Variants in NAA11 observed in about 807,000 individuals in gnomAD.
NAA11 encodes the protein N-alpha-acetyltransferase 11, NatA catalytic subunit, also known as N-alpha-acetyltransferase 11.
A neutral mutation model predicts 16.1 loss-of-function variants in NAA11; 15 were observed. That is an observed-to-expected ratio of 0.93 (90% CI 0.62 to 1.44). The LOEUF is 1.44. NAA11 is among the 40% of genes most tolerant of loss of function. NAA11 has a pLI of 0.00. For synonymous variants in NAA11, 122 were observed against 112.4 expected (o/e 1.09, Z -0.54); for missense variants, 298 against 291.3 (o/e 1.02, Z -0.17).
chr4:79,254,700 T>TTA (rs1560426431), intron 2 of NAA11, among the ~76,000 whole-genome samples: 4 of 149,760 alleles, frequency 2.7e-5, no homozygotes, highest in African/African-American at 7.4e-5. Flanking sequence ...TATTTACTTT[T>TTA]TTATTATTAT....
the NAA11 span, among the ~76,000 whole-genome samples, chr4:79,214,493 G>A: frequency 6.6e-6 from 1 of 152,104 alleles, no homozygotes; most frequent in Non-Finnish European, 1.5e-5. Context: ...GTGGGAGTGG[G>A]TTTATTATAA....
intron 1 of NAA11, among the ~76,000 whole-genome samples, chr4:79,296,111 A>C (rs762391157): frequency 2.0e-5 from 3 of 152,204 alleles, no homozygotes; most frequent in Non-Finnish European, 4.4e-5. Flanking sequence ...ATTCTGTGTA[A>C]TTCTGTGTGG....
intron 2 of NAA11, among the ~76,000 whole-genome samples, chr4:79,260,518 A>G: frequency 6.6e-6 from 1 of 152,114 alleles, no homozygotes; most frequent in East Asian, 1.9e-4. Flanking sequence ...GATTTTAGGT[A>G]CAGTGTACAT....
chr4:79,185,033 A>T, the NAA11 span, among the ~76,000 whole-genome samples: 3 of 152,042 alleles, frequency 2.0e-5, no homozygotes, highest in East Asian at 5.8e-4. Context: ...TAGAGTTTAG[A>T]TTTTGTACGT....
At chr4:79,237,581 T>G (rs1425087696) in intron 2 of NAA11, among the ~76,000 whole-genome samples, 3 of 152,212 alleles carry the variant, frequency 2.0e-5, no homozygotes, top group African/African-American at 4.8e-5. Context: ...CACTTCATTT[T>G]GACAGTGTTT....
the NAA11 span, among the ~76,000 whole-genome samples, chr4:79,202,627 A>T: frequency 1.0e-5 from 1 of 100,260 alleles, no homozygotes; most frequent in African/African-American, 3.2e-5. Flanking sequence ...ATAGTTTTAT[A>T]TATATATATA....
intron 2 of NAA11, among the ~76,000 whole-genome samples, chr4:79,267,509 T>C (rs2109977849): frequency 1.3e-5 from 2 of 152,304 alleles, no homozygotes; most frequent in East Asian, 3.9e-4. Context: ...GTTTTAAGCA[T>C]ATACTTGTTT....
chr4:79,187,850 T>C, the NAA11 span, among the ~76,000 whole-genome samples: 3 of 151,296 alleles, frequency 2.0e-5, no homozygotes, highest in East Asian at 5.9e-4. Flanking sequence ...ACAAAAAAAA[T>C]TAGCCGGGCA....
At chr4:79,270,315 A>G (rs1353667907) in intron 2 of NAA11, among the ~76,000 whole-genome samples, 1 of 152,090 alleles carries the variant, frequency 6.6e-6, no homozygotes, top group African/African-American at 2.4e-5. Flanking sequence ...ACACTCTCCC[A>G]AGACTAAACC....
intron 2 of NAA11, among the ~76,000 whole-genome samples, chr4:79,237,820 T>C (rs1247375043): frequency 6.6e-6 from 1 of 152,232 alleles, no homozygotes; most frequent in Non-Finnish European, 1.5e-5. Flanking sequence ...TGACAAAATA[T>C]GTACAGTTTA....
At chr4:79,251,678 A>AG (rs1722000823) in intron 2 of NAA11, among the ~76,000 whole-genome samples, 1 of 152,196 alleles carries the variant, frequency 6.6e-6, no homozygotes, top group African/African-American at 2.4e-5. Flanking sequence ...CTAAAAAAAA[A>AG]TAATAATAAA....
Position 79,276,136 on chromosome 4 carries a change from A to G in NAA11, c.*122+17869T>C, listed in dbSNP as rs949006482. Among the ~76,000 whole-genome samples the G allele has an allele frequency of 2.6e-5, 4 of 152,232 alleles. No homozygotes were observed. The South Asian group carries it at 8.3e-4, about 32-fold the overall frequency. On this transcript the variant is annotated intron_variant and NMD_transcript_variant, in intron 2 of 2. Coordinates refer to the NAA11 transcript ENST00000511542. Reference sequence around the variant, plus strand: ...AAACTGAGGCTAGAGTACTGAATCCATTTTACAGTACTTAATAGAAATAAG... The same window carrying G: ...AAACTGAGGCTAGAGTACTGAATCCGTTTTACAGTACTTAATAGAAATAAG...
At chr4:79,264,485 T>G (rs914911363) in intron 2 of NAA11, among the ~76,000 whole-genome samples, 15 of 152,200 alleles carry the variant, frequency 9.9e-5, no homozygotes, top group African/African-American at 3.6e-4. Flanking sequence ...CAAAAAGAGT[T>G]GTCTATTCTC....
chr4:79,271,879 A>G lies in NAA11; in HGVS notation c.*122+22126T>C, dbSNP rs1016099702. On this transcript the variant is annotated intron_variant and NMD_transcript_variant, in intron 2 of 2. Coordinates refer to the NAA11 transcript ENST00000511542. ...TAGAGACCTAGAATCCAGAGAGTCTATGTTCTAATGCAGTAGTCTTCTCAT... is the reference window on the plus strand; with the variant it reads ...TAGAGACCTAGAATCCAGAGAGTCTGTGTTCTAATGCAGTAGTCTTCTCAT... 1.0e-3 allele frequency among the ~76,000 whole-genome samples: 152 copies of G among 152,090 alleles called. 1 individual carries two copies. Among genetic ancestry groups the G allele is most frequent in the African/African-American group, 3.5e-3 (145 of 41,518 alleles).
intron 1 of NAA11, among the ~76,000 whole-genome samples, chr4:79,303,079 TATATATATATA>T (rs1723450099): frequency 7.5e-5 from 1 of 13,362 alleles, no homozygotes; most frequent in Non-Finnish European, 1.6e-4. Flanking sequence ...AGGCCTTTTA[TATATATATATA>T]TATATATATA....
At chr4:79,276,647 A>G (rs1560442502) in intron 2 of NAA11, among the ~76,000 whole-genome samples, 1 of 152,038 alleles carries the variant, frequency 6.6e-6, no homozygotes, top group Non-Finnish European at 1.5e-5. Flanking sequence ...TTTACTGGAC[A>G]CTCTGCCGAA....
At chr4:79,258,423 A>T (rs1249368946) in intron 2 of NAA11, among the ~76,000 whole-genome samples, 1 of 152,148 alleles carries the variant, frequency 6.6e-6, no homozygotes, top group Non-Finnish European at 1.5e-5. Context: ...GTCAGCACCT[A>T]CTTTGATCTT....
the NAA11 span, among the ~76,000 whole-genome samples, chr4:79,197,036 TAG>T: frequency 1.4e-5 from 2 of 147,568 alleles, no homozygotes; most frequent in African/African-American, 5.0e-5. Flanking sequence ...AAAAGGTATA[TAG>T]TCCTGCTAGC....
At chr4:79,318,835 A>G in intron 1 of NAA11, among the ~76,000 whole-genome samples, 1 of 152,234 alleles carries the variant, frequency 6.6e-6, no homozygotes, top group Non-Finnish European at 1.5e-5. Flanking sequence ...AAAAAGTCAA[A>G]TAACACTGTA....
Sources: allele counts gnomAD v4.1 joint callset (sites outside exome capture counted in the v4.1 genomes callset), GRCh38; gene constraint gnomAD v4.1.1; transcripts MANE v1.5; gene names NCBI Gene and HGNC (gene_info 2026-07-23, HGNC 2026-07-21).